Variants in RGS7 observed in about 807,000 individuals in gnomAD.
The protein encoded by RGS7 is regulator of G-protein signaling 7.
RGS7 carries 27 observed loss-of-function variants against 81.1 expected under a neutral mutation model. The observed-to-expected ratio is 0.33, with a 90% confidence interval of 0.25 to 0.46. The LOEUF is 0.46. Ranked by LOEUF, RGS7 falls within the 20% of genes least tolerant of loss-of-function variation. The probability of loss-of-function intolerance (pLI) is 1.00; values close to 1 mark genes in which losing one functional copy is unlikely to be tolerated. For missense variants in RGS7, 396 were observed against 607.4 expected (o/e 0.65, Z 3.66); for synonymous variants, 208 against 207.7 (o/e 1.00, Z -0.01).
At chr1:240,926,047 C>T (rs1167317715) in intron 6 of RGS7, among the ~76,000 whole-genome samples, 4 of 152,112 alleles carry the variant, frequency 2.6e-5, no homozygotes, top group African/African-American at 9.7e-5. Context: ...GCATAGTTTG[C>T]AAATATTTTC....
intron 2 of RGS7, among the ~76,000 whole-genome samples, chr1:241,235,044 T>A (rs1406870722): frequency 6.6e-6 from 1 of 152,186 alleles, no homozygotes; most frequent in Non-Finnish European, 1.5e-5. Flanking sequence ...GTTAATAAGA[T>A]GTTTGGTTTT....
intron 2 of RGS7, among the ~76,000 whole-genome samples, chr1:241,294,206 C>T (rs1225417328): frequency 6.6e-6 from 1 of 152,000 alleles, no homozygotes; most frequent in South Asian, 2.1e-4. Context: ...AACCAAACAC[C>T]ACATGTTCTC....
At chr1:240,948,976 G>C (rs1048531644) in intron 4 of RGS7, among the ~76,000 whole-genome samples, 1 of 151,900 alleles carries the variant, frequency 6.6e-6, no homozygotes, top group African/African-American at 2.4e-5. Context: ...ATGGCATTTT[G>C]CTTTAATTTG....
At chr1:241,336,423 G>A (rs1431644159) in intron 2 of RGS7, among the ~76,000 whole-genome samples, 1 of 152,148 alleles carries the variant, frequency 6.6e-6, no homozygotes, top group African/African-American at 2.4e-5. Context: ...GGAGGAAGTA[G>A]AAACTAAGAG....
intron 2 of RGS7, among the ~76,000 whole-genome samples, chr1:241,143,065 C>G (rs12090669): frequency 3.9e-5 from 6 of 152,156 alleles, no homozygotes; most frequent in African/African-American, 1.4e-4. Context: ...TGCTCCAGTT[C>G]CCAACAAGTT....
intron 2 of RGS7, among the ~76,000 whole-genome samples, chr1:241,349,930 A>T (rs1271654005): frequency 1.3e-5 from 2 of 152,170 alleles, no homozygotes; most frequent in Non-Finnish European, 1.5e-5. Flanking sequence ...TCCATCACTC[A>T]CTAGAACCAC....
intron 2 of RGS7, among the ~76,000 whole-genome samples, chr1:241,245,352 C>A (rs974336682): frequency 1.3e-5 from 2 of 149,312 alleles, no homozygotes; most frequent in African/African-American, 5.0e-5. Context: ...CCCACACCCC[C>A]CTCCTCTTGC....
chr1:240,878,034 T>C (rs12129550), intron 6 of RGS7, among the ~76,000 whole-genome samples: 31,267 of 152,046 alleles, frequency 0.21, 3,341 homozygotes, highest in Middle Eastern at 0.31. Context: ...TACTGCCCCA[T>C]TAAGTGACCC....
intron 4 of RGS7, among the ~76,000 whole-genome samples, chr1:240,958,253 G>T (rs1334248585): frequency 6.6e-6 from 1 of 152,314 alleles, no homozygotes; most frequent in Non-Finnish European, 1.5e-5. Flanking sequence ...ATTCATTTCT[G>T]CTGTGTTCCA....
At chr1:241,152,786 G>A (rs1336813920) in intron 2 of RGS7, among the ~76,000 whole-genome samples, 1 of 152,188 alleles carries the variant, frequency 6.6e-6, no homozygotes, top group Non-Finnish European at 1.5e-5. Context: ...GGCCAGCAAC[G>A]TTCCAGGGGC....
At chr1:241,331,651 T>C (rs1350629881) in intron 2 of RGS7, among the ~76,000 whole-genome samples, 9 of 152,178 alleles carry the variant, frequency 5.9e-5, no homozygotes, top group African/African-American at 2.2e-4. Flanking sequence ...TTACACCTAA[T>C]GCAGTATTTC....
At chr1:241,304,463 T>G (rs1328376095) in intron 2 of RGS7, among the ~76,000 whole-genome samples, 5 of 152,150 alleles carry the variant, frequency 3.3e-5, no homozygotes, top group Non-Finnish European at 7.3e-5. Context: ...AGTTATAGAT[T>G]TTTCCACTTG....
chr1:241,139,280 ATCTTTCCTTCCT>A (rs1266367270), intron 2 of RGS7, among the ~76,000 whole-genome samples: 18 of 129,614 alleles, frequency 1.4e-4, no homozygotes, highest in Non-Finnish European at 3.2e-5. Context: ...TTTCCTCCCC[ATCTTTCCTTCCT>A]TCTTTCCTTC....
At chr1:240,933,083 C>CGT (rs1480406832) in intron 5 of RGS7, among the ~76,000 whole-genome samples, 2 of 149,884 alleles carry the variant, frequency 1.3e-5, no homozygotes, top group African/African-American at 2.5e-5. Flanking sequence ...GGGGTTTCAC[C>CGT]GTGTTAGCCA....
At chr1:241,020,559 A>G (rs1308737387) in intron 3 of RGS7, among the ~76,000 whole-genome samples, 2 of 152,176 alleles carry the variant, frequency 1.3e-5, no homozygotes, top group African/African-American at 4.8e-5. Context: ...TCCATCTGCA[A>G]AGATAGAATT....
intron 2 of RGS7, among the ~76,000 whole-genome samples, chr1:241,174,652 T>G (rs1340627184): frequency 1.3e-5 from 2 of 152,144 alleles, no homozygotes; most frequent in Non-Finnish European, 2.9e-5. Flanking sequence ...AAACAGCTAG[T>G]GGATCCAAAG....
intron 18 of RGS7, among the ~76,000 whole-genome samples, chr1:240,788,733 C>T (rs1266083499): frequency 6.6e-6 from 1 of 152,162 alleles, no homozygotes; most frequent in African/African-American, 2.4e-5. Flanking sequence ...CAATGCGGAG[C>T]AGAGACAAAG....
intron 2 of RGS7, among the ~76,000 whole-genome samples, chr1:241,109,857 C>T (rs905132534): frequency 9.9e-5 from 15 of 151,992 alleles, no homozygotes; most frequent in African/African-American, 3.6e-4. Flanking sequence ...ACTCAGGAGG[C>T]TGAGGCAGGA....
intron 6 of RGS7, chr1:240,920,391 G>A (rs1244429157): frequency 1.6e-5 from 24 of 1,502,920 alleles, no homozygotes; most frequent in Non-Finnish European, 1.8e-6. Context: ...TAATGGATTT[G>A]GTAATGATGC....
Sources: allele counts gnomAD v4.1 joint callset (sites outside exome capture counted in the v4.1 genomes callset), GRCh38; gene constraint gnomAD v4.1.1; transcripts MANE v1.5; gene names NCBI Gene and HGNC (gene_info 2026-07-23, HGNC 2026-07-21).